Variants in AFF1 observed in about 807,000 individuals in gnomAD.
AFF1 encodes AF4/FMR2 family member 1.
Under a neutral mutation model 121.7 loss-of-function variants are expected in AFF1, and 48 were observed. The ratio of observed to expected loss-of-function variants is 0.39; its 90% CI spans 0.31 to 0.50. The LOEUF is 0.50. Among genes scored for constraint, AFF1 ranks in the 20% least tolerant of loss-of-function variants. The pLI, the probability that AFF1 is intolerant of heterozygous loss-of-function variation, is 0.76. For missense variants in AFF1, 1,523 were observed against 1,511.7 expected (o/e 1.01, Z -0.12); for synonymous variants, 613 against 563.0 (o/e 1.09, Z -1.26).
intron 2 of AFF1, among the ~76,000 whole-genome samples, chr4:87,011,886 T>A (rs1726800530): frequency 1.3e-5 from 2 of 152,230 alleles, no homozygotes; most frequent in Non-Finnish European, 2.9e-5. Context: ...TTGGCAAAAC[T>A]AACTCAAGTG....
chr4:87,116,925 C>T (rs1278129975), intron 12 of AFF1, among the ~76,000 whole-genome samples: 1 of 152,128 alleles, frequency 6.6e-6, no homozygotes, highest in South Asian at 2.1e-4. Context: ...GCAGCTGATA[C>T]ACCTGGGAAA....
At chr4:87,058,544 C>G (rs1481179911) in intron 4 of AFF1, among the ~76,000 whole-genome samples, 1 of 152,072 alleles carries the variant, frequency 6.6e-6, no homozygotes, top group Admixed American at 6.6e-5. Flanking sequence ...TAGCAGCCAC[C>G]ATTTGTCTCT....
chr4:87,124,589 A>G (rs1728030952), intron 12 of AFF1, among the ~76,000 whole-genome samples: 2 of 152,242 alleles, frequency 1.3e-5, no homozygotes, highest in African/African-American at 2.4e-5. Context: ...TTTTATACAA[A>G]CAATAAACTA....
intron 1 of AFF1, among the ~76,000 whole-genome samples, chr4:86,936,724 A>G (rs1578803061): frequency 6.6e-6 from 1 of 152,136 alleles, no homozygotes; most frequent in East Asian, 1.9e-4. Flanking sequence ...TTCACAGGAG[A>G]ATGGAAAATT....
At chr4:86,949,159 CAA>C (rs1013279387) in intron 2 of AFF1, among the ~76,000 whole-genome samples, 7 of 140,682 alleles carry the variant, frequency 5.0e-5, no homozygotes, top group Non-Finnish European at 6.1e-5. Context: ...ATTAGCTATT[CAA>C]AAATATATAT....
At chr4:87,003,803 A>G (rs1725897008) in intron 2 of AFF1, among the ~76,000 whole-genome samples, 1 of 152,194 alleles carries the variant, frequency 6.6e-6, no homozygotes, top group Non-Finnish European at 1.5e-5. Flanking sequence ...TTGAGAGTAG[A>G]CTTTTGCCTG....
chr4:87,122,265 A>T (rs1001805335), intron 12 of AFF1, among the ~76,000 whole-genome samples: 1 of 152,230 alleles, frequency 6.6e-6, no homozygotes, highest in South Asian at 2.1e-4. Flanking sequence ...TAACAGGGTA[A>T]CCTGGGCATA....
At chr4:87,057,664 G>A (rs1030942310) in intron 4 of AFF1, among the ~76,000 whole-genome samples, 9 of 152,236 alleles carry the variant, frequency 5.9e-5, no homozygotes, top group African/African-American at 1.9e-4. Context: ...AAGACTGATC[G>A]TATTGTTTAT....
intron 2 of AFF1, among the ~76,000 whole-genome samples, chr4:86,997,687 T>C (rs1725323276): frequency 6.8e-6 from 1 of 148,068 alleles, no homozygotes; most frequent in South Asian, 2.1e-4. Flanking sequence ...GTGTGAACCT[T>C]GGGGGCAGAG....
rs1046963439 is a variant in AFF1 at position 86,948,465 on chromosome 4, A to G, written c.-36-33A>G. 1.5e-5 allele frequency: 22 copies of G among 1,434,192 alleles called. No homozygotes were observed. In the African/African-American group the frequency reaches 2.5e-4, roughly 17 times the overall value. 88.8% of individuals were successfully genotyped at this position (1,434,192 alleles called of 1,614,324 possible). A position where few individuals can be genotyped will look rare whatever the true frequency, so the allele number is the denominator to read the frequency against. On this transcript the variant is annotated intron_variant, in intron 1 of 20. Coordinates refer to ENST00000395146, the MANE Select transcript of AFF1 (RefSeq NM_001166693.3). ...TATCCCTGAATTTACTCACAGGCTA[A>G]TGTTCACAGGCTACTCTTTGTTTCT...
At chr4:87,040,826 GC>G (rs1046899367) in intron 2 of AFF1, among the ~76,000 whole-genome samples, 2 of 140,450 alleles carry the variant, frequency 1.4e-5, no homozygotes, top group Non-Finnish European at 3.0e-5. Context: ...ACCCTCCTCA[GC>G]CCCCCAAAGT....
chr4:87,018,168 G>A (rs1460154441), intron 2 of AFF1, among the ~76,000 whole-genome samples: 2 of 152,246 alleles, frequency 1.3e-5, no homozygotes, highest in African/African-American at 4.8e-5. Flanking sequence ...ATCTGTAAAT[G>A]TATTGAGTAC....
At chr4:87,087,876 G>A (rs981036398) in intron 5 of AFF1, among the ~76,000 whole-genome samples, 2 of 135,188 alleles carry the variant, frequency 1.5e-5, no homozygotes, top group Admixed American at 1.4e-4. Context: ...ACATGTTTTT[G>A]TGTTGTAACA....
intron 12 of AFF1, among the ~76,000 whole-genome samples, chr4:87,120,762 T>C (rs1209035654): frequency 6.6e-6 from 1 of 152,200 alleles, no homozygotes; most frequent in Non-Finnish European, 1.5e-5. Context: ...GATGCTCCCA[T>C]CTTCCTTCAC....
rs1727581219 is a variant in AFF1, at chr4:87,120,539, TC to T, written c.2467-4495del. Among the ~76,000 whole-genome samples the T allele has an allele frequency of 2.6e-5, 4 of 152,338 alleles. 1 individual carries two copies. Among genetic ancestry groups the T allele is most frequent in the Admixed American group, 2.6e-4 (4 of 15,306 alleles). On this transcript the variant is annotated intron_variant, in intron 12 of 20. Transcript: ENST00000395146. ...GCTCAGGCATGCTGCCTCCTCCCAG[TC>T]CCGTGAGCTTTCCTCTTTTTCACAT...
intron 4 of AFF1, among the ~76,000 whole-genome samples, chr4:87,061,645 T>C (rs771270864): frequency 3.0e-4 from 45 of 152,226 alleles, no homozygotes; most frequent in African/African-American, 1.0e-3. Flanking sequence ...TTAGGCAGGG[T>C]GCATGTGCTG....
In AFF1 at chr4:87,120,470, A is replaced by G. The variant is rs925108120; in HGVS notation, c.2467-4567A>G. ...CCACCTTTTATAGATGAGATCCAAA[A>G]AGGCACTAACATGGCTTGACTGCTG... On this transcript the variant is annotated intron_variant, in intron 12 of 20. Coordinates refer to ENST00000395146, the MANE Select transcript of AFF1 (RefSeq NM_001166693.3). 1.1e-4 allele frequency among the ~76,000 whole-genome samples: 16 copies of G among 152,330 alleles called. 2 individuals are homozygous for G. Among genetic ancestry groups the G allele is most frequent in the Admixed American group, 1.0e-3 (16 of 15,304 alleles).
chr4:87,083,782 AGTT>A (rs375101276), intron 4 of AFF1, among the ~76,000 whole-genome samples: 2 of 152,024 alleles, frequency 1.3e-5, no homozygotes, highest in African/African-American at 4.8e-5. Context: ...CCAAATGTAA[AGTT>A]GTTGTTGTTT....
chr4:86,997,811 C>T (rs1186587541), intron 2 of AFF1, among the ~76,000 whole-genome samples: 1 of 145,644 alleles, frequency 6.9e-6, no homozygotes, highest in Non-Finnish European at 1.5e-5. Flanking sequence ...AAAAACAGGC[C>T]TAAGAAGCTG....
Sources: allele counts gnomAD v4.1 joint callset (sites outside exome capture counted in the v4.1 genomes callset), GRCh38; gene constraint gnomAD v4.1.1; transcripts MANE v1.5; gene names NCBI Gene and HGNC (gene_info 2026-07-23, HGNC 2026-07-21).